DGKH: variants seen among roughly 807,000 people sequenced by gnomAD.
DGKH encodes the protein diacylglycerol kinase eta.
A neutral mutation model predicts 159.3 loss-of-function variants in DGKH; 90 were observed. That is an observed-to-expected ratio of 0.57 (90% CI 0.48 to 0.67). DGKH has a LOEUF of 0.67. DGKH is among the 30% of genes least tolerant of loss of function. DGKH has a pLI of 0.00. For synonymous variants in DGKH, 536 were observed against 553.8 expected, an observed-to-expected ratio of 0.97 and a Z score of 0.45; for missense variants, 1,181 against 1,506.1, an observed-to-expected ratio of 0.78 and a Z score of 3.57.
chr13:42,219,901 C>A, intron 28 of DGKH, 107 bp downstream of exon 28: 1 of 935,046 alleles, frequency 1.1e-6, no homozygotes, highest in Non-Finnish European at 1.7e-6. Context: ...GGTGGTTGAG[C>A]ATTGTGCAGT....
chr13:42,105,125 A>G (rs1204199363), intron 1 of DGKH, among the ~76,000 whole-genome samples: 1 of 152,094 alleles, frequency 6.6e-6, no homozygotes, highest in Non-Finnish European at 1.5e-5. Flanking sequence ...GATAATTTAT[A>G]ATGAACAGAA....
intron 1 of DGKH, among the ~76,000 whole-genome samples, chr13:42,081,004 A>C (rs1213479299): frequency 1.3e-5 from 2 of 152,116 alleles, no homozygotes; most frequent in Non-Finnish European, 2.9e-5. Flanking sequence ...CTGACTCCTA[A>C]TTTTTATGCT....
rs865964768 is a variant in DGKH, at chr13:42,199,833, T to C, written c.2417T>C (p.Met806Thr). The C allele has an allele frequency of 6.2e-7, 1 of 1,602,796 alleles. No homozygotes were observed. Residue 806 changes from methionine (M) to threonine (T), a missense_variant, in exon 20 of 30, where the codon ATG (methionine) becomes ACG (threonine). By Grantham distance (81) the Met-to-Thr change is moderately conservative. Coordinates refer to ENST00000337343, the MANE Select transcript of DGKH (RefSeq NM_178009.5). ...TTCAGGAGCCGAACTAAAAACTTGA[T>C]GTGGTATGGAGTCCTTGGAACCCGG... ...EKCRSRTKNL[M>T]WYGVLGTREL...
intron 13 of DGKH, among the ~76,000 whole-genome samples, chr13:42,180,683 G>T (rs1314513342): frequency 6.6e-6 from 1 of 151,906 alleles, no homozygotes; most frequent in African/African-American, 2.4e-5. Flanking sequence ...CCATTCTGAT[G>T]CAGCATCCCT....
At chr13:42,060,690 A>G (rs1245303708) in intron 1 of DGKH, among the ~76,000 whole-genome samples, 1 of 152,186 alleles carries the variant, frequency 6.6e-6, no homozygotes, top group Admixed American at 6.5e-5. Context: ...TATGAAAGAG[A>G]CACATCCCCA....
chr13:42,252,683 T>A (rs556366081), intron 30 of DGKH, among the ~76,000 whole-genome samples: 1 of 152,146 alleles, frequency 6.6e-6, no homozygotes, highest in East Asian at 1.9e-4. Flanking sequence ...TAATTCTATA[T>A]GCTAAATTCC....
At chr13:42,055,544 AGTTT>A (rs1212810111) in intron 1 of DGKH, among the ~76,000 whole-genome samples, 1 of 152,200 alleles carries the variant, frequency 6.6e-6, no homozygotes, top group Admixed American at 6.5e-5. Context: ...TCTTTCACTT[AGTTT>A]AAGTTTGCTT....
At chr13:42,055,723 G>A (rs1881708947) in intron 1 of DGKH, among the ~76,000 whole-genome samples, 1 of 152,214 alleles carries the variant, frequency 6.6e-6, no homozygotes, top group African/African-American at 2.4e-5. Flanking sequence ...TAATTAAAGA[G>A]AGTTTGTTTT....
At chr13:42,214,088 T>C (rs1293870848) in intron 24 of DGKH, among the ~76,000 whole-genome samples, 1 of 152,226 alleles carries the variant, frequency 6.6e-6, no homozygotes, top group East Asian at 1.9e-4. Flanking sequence ...TTATGATCAC[T>C]TTGTGTATTG....
chr13:42,090,150 C>T (rs990817801), intron 1 of DGKH, among the ~76,000 whole-genome samples: 7 of 152,050 alleles, frequency 4.6e-5, no homozygotes, highest in Admixed American at 2.6e-4. Flanking sequence ...GAGCAACAGT[C>T]CTGGCATCTG....
intron 1 of DGKH, among the ~76,000 whole-genome samples, chr13:42,096,236 C>T (rs1457205269): frequency 6.6e-6 from 1 of 151,666 alleles, no homozygotes; most frequent in Non-Finnish European, 1.5e-5. Flanking sequence ...TTTTTTAACC[C>T]CTCCCCACCT....
chr13:42,234,925 AT>A lies in DGKH; in HGVS notation c.*5739del, dbSNP rs1315777056. On this transcript the variant is annotated 3_prime_UTR_variant, in exon 30 of 30. Transcript: ENST00000337343. ...CTGCAACTTTTAAAACGTGATGATT[AT>A]TGGTTTTTATAATACACAAAGCATT... is the stretch of plus-strand genomic sequence containing the variant. 6.6e-6 allele frequency: 1 copy of A among 152,158 alleles called. No individual in the cohort carries two copies. The highest frequency in any genetic ancestry group is 2.4e-5 in the African/African-American group (1 of 41,444). 9.4% of individuals were successfully genotyped at this position (152,158 alleles called of 1,614,324 possible). A position where few individuals can be genotyped will look rare whatever the true frequency, so the allele number is the denominator to read the frequency against.
At chr13:42,143,466 A>G (rs1955628821) in intron 3 of DGKH, among the ~76,000 whole-genome samples, 1 of 152,144 alleles carries the variant, frequency 6.6e-6, no homozygotes, top group Admixed American at 6.5e-5. Flanking sequence ...ATGGTTTCAG[A>G]AGGAATAGTA....
intron 1 of DGKH, among the ~76,000 whole-genome samples, chr13:42,042,927 TATAAAG>T (rs1434612491): frequency 2.0e-5 from 3 of 152,206 alleles, no homozygotes; most frequent in African/African-American, 7.2e-5. Context: ...AAAAGTGGCA[TATAAAG>T]ATAAATGTGG....
chr13:42,151,536 TA>T, intron 3 of DGKH, among the ~76,000 whole-genome samples: 1 of 136,814 alleles, frequency 7.3e-6, no homozygotes, highest in Non-Finnish European at 1.6e-5. Flanking sequence ...CACGTGTATA[TA>T]TATATATACA....
chr13:42,065,759 G>A (rs1451794274), intron 1 of DGKH, among the ~76,000 whole-genome samples: 1 of 152,098 alleles, frequency 6.6e-6, no homozygotes, highest in Non-Finnish European at 1.5e-5. Flanking sequence ...AGTAAGTAAG[G>A]GAAATAGCCA....
At chr13:42,081,255 G>A (rs965787124) in intron 1 of DGKH, among the ~76,000 whole-genome samples, 2 of 150,682 alleles carry the variant, frequency 1.3e-5, no homozygotes, top group Admixed American at 1.3e-4. Context: ...CTGGAGATGT[G>A]TTCTCGCTCT....
intron 1 of DGKH, among the ~76,000 whole-genome samples, chr13:42,059,027 T>C (rs1381541487): frequency 6.6e-6 from 1 of 152,254 alleles, no homozygotes; most frequent in African/African-American, 2.4e-5. Flanking sequence ...TCACTCTGAA[T>C]TGAGGATTTC....
At chr13:42,178,995 T>C (rs1956676500) in intron 13 of DGKH, among the ~76,000 whole-genome samples, 1 of 152,220 alleles carries the variant, frequency 6.6e-6, no homozygotes, top group South Asian at 2.1e-4. Flanking sequence ...TGGTATATTA[T>C]GTACTTAATT....
Sources: gnomAD v4.1 joint callset for allele counts (sites outside exome capture counted in the v4.1 genomes callset) on GRCh38, gnomAD v4.1.1 for gene constraint, MANE v1.5 for transcripts, NCBI Gene and HGNC (gene_info 2026-07-23, HGNC 2026-07-21) for gene names.